The following ZNF385A variants were observed in gnomAD, a reference collection of about 807,000 sequenced individuals.
ZNF385A encodes the protein hematopoietic zinc finger protein.
Under a neutral mutation model 32.1 loss-of-function variants are expected in ZNF385A, and 14 were observed. The observed-to-expected ratio is 0.44, with a 90% CI of 0.29 to 0.68. ZNF385A has a LOEUF of 0.68. Among genes scored for constraint, ZNF385A ranks in the 30% least tolerant of loss-of-function variants. The probability of loss-of-function intolerance (pLI) is 0.14; values close to 1 mark genes in which losing one functional copy is unlikely to be tolerated. For missense variants in ZNF385A, 406 were observed against 478.4 expected (o/e 0.85, Z 1.41); for synonymous variants, 197 against 202.7 (o/e 0.97, Z 0.24).
intron 1 of ZNF385A, among the ~76,000 whole-genome samples, chr12:54,381,131 G>C (rs550243882): frequency 6.6e-6 from 1 of 151,206 alleles, no homozygotes; most frequent in Admixed American, 6.6e-5. Flanking sequence ...AAGAGGCTGA[G>C]GTTGCAGTGA....
rs951502761 is a variant in ZNF385A, at chr12:54,371,148, C to T, written c.605-52G>A. The stretch of plus-strand genomic sequence containing the variant: ...AGGGGTGGAAGAAAAATTATCCAGG[C>T]CTACTGGGCCTCAGAATGCACATTC... On this transcript the variant is annotated intron_variant, in intron 4 of 6. Coordinates refer to ENST00000394313, the MANE Select transcript of ZNF385A (RefSeq NM_015481.3). The T allele has an allele frequency of 5.9e-6, 9 of 1,526,120 alleles. No homozygotes were observed. The African/African-American group carries it at 8.3e-5, about 14-fold the overall frequency. The allele number at this position is 1,526,120 out of a possible 1,614,324, so 94.5% of individuals were successfully genotyped here. A position where few individuals can be genotyped will look rare whatever the true frequency, so the allele number is the denominator to read the frequency against.
Position 54,370,099 on chromosome 12 carries a change from G to A in ZNF385A, c.*157C>T, listed in dbSNP as rs978331420. On this transcript the variant is annotated 3_prime_UTR_variant, in exon 7 of 7. Transcript: ENST00000394313. This position sits in a 1 kb window ranked among gnomAD's most constrained non-coding sequence, Gnocchi z 5.5. ...CCCCCTTCTGAAGCCCCCCTCCCCC[G>A]CTACCCCTCCCCTTTCCTGGAACCC... 1.4e-5 allele frequency: 8 copies of A among 571,808 alleles called. No individual in the cohort carries two copies. Among genetic ancestry groups the A allele is most frequent in the Admixed American group, 1.2e-4 (3 of 25,802 alleles). The allele number at this position is 571,808 out of a possible 1,614,324, so 35.4% of individuals were successfully genotyped here. A position where few individuals can be genotyped will look rare whatever the true frequency, so the allele number is the denominator to read the frequency against.
intron 1 of ZNF385A, among the ~76,000 whole-genome samples, chr12:54,390,738 T>C (rs1955617589): frequency 7.3e-6 from 1 of 137,156 alleles, no homozygotes; most frequent in African/African-American, 2.7e-5. Flanking sequence ...CCCACCACAC[T>C]CACCTCGAAG....
At position 54,384,726 on chromosome 12, in the gene ZNF385A, A is replaced by T; in HGVS notation, c.-212T>A. 7.6e-7 allele frequency: 1 copy of T among 1,323,142 alleles called. No individual in the cohort carries two copies. Among genetic ancestry groups the T allele is most frequent in the Non-Finnish European group, 9.6e-7 (1 of 1,039,490 alleles). The allele number at this position is 1,323,142 out of a possible 1,614,324, so 82.0% of individuals were successfully genotyped here. On this transcript the variant is annotated 5_prime_UTR_variant, in exon 1 of 7. Coordinates refer to ENST00000394313, the MANE Select transcript of ZNF385A (RefSeq NM_015481.3). Reference sequence around the variant, plus strand: ...TCCCCTGCTGGCTCCAGAGCAATGGAGCACAGTGCCCTGTGGGCCTGGGGG... The same window carrying T: ...TCCCCTGCTGGCTCCAGAGCAATGGTGCACAGTGCCCTGTGGGCCTGGGGG...
At chr12:54,382,049 A>AT (rs891767568) in intron 1 of ZNF385A, among the ~76,000 whole-genome samples, 26 of 149,410 alleles carry the variant, frequency 1.7e-4, no homozygotes, top group Non-Finnish European at 2.7e-4. Context: ...CTCAAAAAAA[A>AT]TTTTTTTTTT....
chr12:54,379,877 CA>C (rs998892080), intron 1 of ZNF385A, among the ~76,000 whole-genome samples: 4 of 152,252 alleles, frequency 2.6e-5, no homozygotes, highest in Admixed American at 1.3e-4. Context: ...ACTGGGGGAC[CA>C]GAGGCTGTAG....
At chr12:54,372,411 C>CAGGTA (rs1954601860) in intron 3 of ZNF385A, among the ~76,000 whole-genome samples, 2 of 152,186 alleles carry the variant, frequency 1.3e-5, no homozygotes, top group Admixed American at 1.3e-4. Context: ...GAACTCCTCA[C>CAGGTA]CCCTCCAGGT....
chr12:54,371,337 G>T (rs9645816), intron 4 of ZNF385A, 136 bp downstream of exon 4: 15,227 of 1,247,660 alleles, frequency 0.012, 110 homozygotes, highest in Non-Finnish European at 0.014. Context: ...AGGGGAGATG[G>T]CTGGAGAAGG....
upstream of ZNF385A, among the ~76,000 whole-genome samples, chr12:54,387,153 C>A (rs766567303): frequency 6.6e-6 from 1 of 152,234 alleles, no homozygotes; most frequent in Non-Finnish European, 1.5e-5. Flanking sequence ...AGGTTCCATG[C>A]ACTTCCTCAG....
At chr12:54,382,525 A>T (rs1955248301) in intron 1 of ZNF385A, among the ~76,000 whole-genome samples, 1 of 152,164 alleles carries the variant, frequency 6.6e-6, no homozygotes, top group Non-Finnish European at 1.5e-5. Flanking sequence ...TATATAAATT[A>T]CTAAACCCTT....
intron 3 of ZNF385A, chr12:54,373,137 G>GTGTGTGTC (rs1224740541): frequency 5.4e-5 from 8 of 148,420 alleles, no homozygotes; most frequent in African/African-American, 2.2e-4. Flanking sequence ...GTGTGTGTGT[G>GTGTGTGTC]TGTGTGTGTG....
chr12:54,389,365 G>C (rs978751699), upstream of ZNF385A, among the ~76,000 whole-genome samples: 1 of 152,174 alleles, frequency 6.6e-6, no homozygotes, highest in Non-Finnish European at 1.5e-5. Flanking sequence ...CCGGAGCCCT[G>C]GCTGGCAGCT....
Position 54,371,032 on chromosome 12 carries a change from C to A in ZNF385A, c.669G>T (p.Arg223=), listed in dbSNP as rs373656062. Residue 223 remains arginine, a synonymous_variant, in exon 5 of 7, where the codon CGG becomes CGT. Coordinates refer to ENST00000394313, the MANE Select transcript of ZNF385A (RefSeq NM_015481.3). ...SGLGPIKAYP[R]LGPPTPGEPE... is the part of the protein sequence containing the mutation. ...GTTCCCCCGGGGTGGGAGGCCCCAG[C>A]CGAGGGTAAGCTTTGATGGGCCCGA... 7.9e-5 allele frequency: 128 copies of A among 1,614,012 alleles called. No individual in the cohort carries two copies. Among genetic ancestry groups the A allele is most frequent in the Non-Finnish European group, 1.0e-4 (120 of 1,180,002 alleles).
At chr12:54,371,419 G>A in intron 4 of ZNF385A, 54 bp downstream of exon 4, 4 of 1,576,660 alleles carry the variant, frequency 2.5e-6, no homozygotes, top group Non-Finnish European at 3.4e-6. Context: ...AGGATGTAGA[G>A]GCAGGGGTGG....
chr12:54,388,173 CAG>C (rs1021913246), upstream of ZNF385A, among the ~76,000 whole-genome samples: 1 of 152,040 alleles, frequency 6.6e-6, no homozygotes, highest in Non-Finnish European at 1.5e-5. Context: ...TTACCTCCAG[CAG>C]ATAGAGCCCC....
chr12:54,375,845 T>G lies in ZNF385A; in HGVS notation c.197A>C (p.Gln66Pro). The G allele has an allele frequency of 1.2e-6, 2 of 1,613,676 alleles. No homozygotes were observed. The highest frequency in any genetic ancestry group is 1.7e-6 in the Non-Finnish European group (2 of 1,179,628). The change falls in exon 2 of 7, where the codon CAG becomes CCG. Residue 66 changes from glutamine to proline, a missense_variant and splice_region_variant. Physicochemically the swap from Gln to Pro is moderately conservative, Grantham distance 76. Transcript: ENST00000394313. ...CNICQIRFNS[Q>P]SQAEAHYKGN... ...TAGATGAGCAGCTTGGCTTCTTACC[T>G]GAGAATTGAAGCGGATTTGACAGAT...
chr12:54,381,845 C>T (rs921836092), intron 1 of ZNF385A, among the ~76,000 whole-genome samples: 1 of 152,102 alleles, frequency 6.6e-6, no homozygotes. Context: ...CCCTTAGGCC[C>T]CATCACATCC....
At position 54,380,968 on chromosome 12, in the gene ZNF385A, C is replaced by T. The variant is rs1242314521; in HGVS notation, c.87+3460G>A. Reference sequence around the variant, plus strand: ...ATCCCAGCACTTTGGGAGGCTGAGTCGGGCGGATCACAAGGTCAAGAGATT... The same window carrying T: ...ATCCCAGCACTTTGGGAGGCTGAGTTGGGCGGATCACAAGGTCAAGAGATT... On this transcript the variant is annotated intron_variant, in intron 1 of 6. Coordinates refer to ENST00000394313, the MANE Select transcript of ZNF385A (RefSeq NM_015481.3). Among the ~76,000 whole-genome samples, 8 of 151,952 alleles carry T rather than the reference C, an allele frequency of 5.3e-5. 1 individual carries two copies. Among genetic ancestry groups the T allele is most frequent in the Admixed American group, 3.3e-4 (5 of 15,256 alleles).
intron 1 of ZNF385A, among the ~76,000 whole-genome samples, chr12:54,390,793 C>T (rs1048928543): frequency 5.9e-5 from 9 of 151,918 alleles, no homozygotes; most frequent in African/African-American, 1.7e-4. Context: ...TCCTCCTTTC[C>T]CCCTTATCCT....
Sources: gnomAD v4.1 joint callset for allele counts (sites outside exome capture counted in the v4.1 genomes callset) on GRCh38, gnomAD v4.1.1 for gene constraint, Gnocchi (gnomAD v3.1) non-coding constraint, MANE v1.5 for transcripts, NCBI Gene and HGNC (gene_info 2026-07-23, HGNC 2026-07-21) for gene names.